Variants in CDK6 observed in about 807,000 individuals in gnomAD.
CDK6 encodes cyclin-dependent kinase 6.
Under a neutral mutation model 37.1 loss-of-function variants are expected in CDK6, and 6 were observed. The observed-to-expected ratio is 0.16, with a 90% confidence interval of 0.09 to 0.32. The LOEUF (loss-of-function observed/expected upper bound fraction) is 0.32, where lower values mean the gene tolerates loss of function less well. CDK6 is among the 10% of genes least tolerant of loss of function. The pLI, the probability that CDK6 is intolerant of heterozygous loss-of-function variation, is 1.00. For synonymous variants in CDK6, 160 were observed against 161.3 expected, an observed-to-expected ratio of 0.99 and a Z score of 0.06; for missense variants, 224 against 418.9, an observed-to-expected ratio of 0.53 and a Z score of 4.06.
intron 5 of CDK6, among the ~76,000 whole-genome samples, chr7:92,661,497 C>T (rs1421398300): frequency 1.3e-5 from 2 of 152,018 alleles, no homozygotes; most frequent in African/African-American, 2.4e-5. Flanking sequence ...CTGATTAACA[C>T]ATATTTGGTA....
intron 3 of CDK6, among the ~76,000 whole-genome samples, chr7:92,773,830 A>T (rs2115779272): frequency 6.6e-6 from 1 of 152,350 alleles, no homozygotes; most frequent in East Asian, 1.9e-4. Context: ...AAGATAAACT[A>T]TTTTTAGCTA....
chr7:92,688,921 T>C (rs753725467), intron 4 of CDK6, among the ~76,000 whole-genome samples: 1 of 152,178 alleles, frequency 6.6e-6, no homozygotes, highest in African/African-American at 2.4e-5. Flanking sequence ...CGCACAGAAT[T>C]TAAAAATGGG....
chr7:92,795,000 C>T (rs2115872957), intron 2 of CDK6, among the ~76,000 whole-genome samples: 1 of 152,236 alleles, frequency 6.6e-6, no homozygotes, highest in South Asian at 2.1e-4. Flanking sequence ...GACTGCTTCC[C>T]ATGGGACCAG....
intron 4 of CDK6, among the ~76,000 whole-genome samples, chr7:92,687,185 T>C (rs2116634075): frequency 6.6e-6 from 1 of 152,336 alleles, no homozygotes. Flanking sequence ...AGCAGATTCC[T>C]ACTCCACACT....
intron 3 of CDK6, among the ~76,000 whole-genome samples, chr7:92,754,550 CA>C (rs1799265976): frequency 6.6e-6 from 1 of 152,204 alleles, no homozygotes; most frequent in South Asian, 2.1e-4. Context: ...CTCAGTCACC[CA>C]TCCCTCTGTG....
chr7:92,655,890 C>T (rs570112177), intron 5 of CDK6, among the ~76,000 whole-genome samples: 2 of 152,366 alleles, frequency 1.3e-5, no homozygotes, highest in East Asian at 1.9e-4. Context: ...TGCACATACA[C>T]ACACGCTCCT....
At chr7:92,712,822 T>C (rs1239642213) in intron 4 of CDK6, among the ~76,000 whole-genome samples, 3 of 151,216 alleles carry the variant, frequency 2.0e-5, no homozygotes, top group African/African-American at 7.3e-5. Context: ...CTCTCTTCTT[T>C]AGACATTAAT....
chr7:92,736,857 G>C (rs1318816031), intron 3 of CDK6, among the ~76,000 whole-genome samples: 1 of 152,112 alleles, frequency 6.6e-6, no homozygotes. Context: ...GTCTAAATTA[G>C]AATATTGAAA....
At chr7:92,759,290 C>T (rs1799392987) in intron 3 of CDK6, among the ~76,000 whole-genome samples, 1 of 152,224 alleles carries the variant, frequency 6.6e-6, no homozygotes, top group Middle Eastern at 3.4e-3. Context: ...TCACCAAAGG[C>T]TAGGACTTTG....
chr7:92,811,048 C>T (rs899438634), intron 2 of CDK6, among the ~76,000 whole-genome samples: 1 of 151,868 alleles, frequency 6.6e-6, no homozygotes, highest in Non-Finnish European at 1.5e-5. Flanking sequence ...GAGAACCCCC[C>T]CAGCGCCAAA....
chr7:92,617,296 T>C lies in CDK6; in HGVS notation c.834+776A>G, dbSNP rs572568634. ...GCCCTTCTGGAGCATCGATACCTTCTATCATGAGAAAAACATGCCCCAGGG... is the reference window on the plus strand; with the variant it reads ...GCCCTTCTGGAGCATCGATACCTTCCATCATGAGAAAAACATGCCCCAGGG... On this transcript the variant is annotated intron_variant, in intron 7 of 7. Coordinates refer to ENST00000424848, the MANE Select transcript of CDK6 (RefSeq NM_001145306.2). Among the ~76,000 whole-genome samples, 23 of 152,238 alleles carry C rather than the reference T, an allele frequency of 1.5e-4. 1 individual carries two copies. Among genetic ancestry groups the C allele is most frequent in the Admixed American group, 1.4e-3 (22 of 15,282 alleles).
intron 4 of CDK6, among the ~76,000 whole-genome samples, chr7:92,676,585 T>C (rs6973871): frequency 0.24 from 36,128 of 152,076 alleles, 6,500 homozygotes; most frequent in African/African-American, 0.49. Flanking sequence ...AATGCAAACA[T>C]AGATAATGGT....
intron 4 of CDK6, among the ~76,000 whole-genome samples, chr7:92,672,134 C>CATATATATAT (rs372523914): frequency 0.014 from 913 of 65,330 alleles, 26 homozygotes; most frequent in African/African-American, 0.017. Flanking sequence ...AAAAGCTGTA[C>CATATATATAT]ATATATATAT....
At chr7:92,764,819 T>C (rs1799540181) in intron 3 of CDK6, among the ~76,000 whole-genome samples, 1 of 152,244 alleles carries the variant, frequency 6.6e-6, no homozygotes, top group Non-Finnish European at 1.5e-5. Context: ...TTTAATTTTT[T>C]CCACCTTGCT....
At chr7:92,763,355 A>C (rs1799504129) in intron 3 of CDK6, among the ~76,000 whole-genome samples, 1 of 152,252 alleles carries the variant, frequency 6.6e-6, no homozygotes, top group South Asian at 2.1e-4. Flanking sequence ...CTGACCCATT[A>C]CACTTGCAAG....
rs568026283 is a variant in CDK6, at chr7:92,754,365, G to A, written c.369+20331C>T. ...CTCCTGTCATTTTTATGCCCCCAAA[G>A]CAAAATGGTCTCTTTTCAGAGGAGA... On this transcript the variant is annotated intron_variant, in intron 3 of 7. Transcript: ENST00000424848. 1.4e-3 allele frequency among the ~76,000 whole-genome samples: 207 copies of A among 152,226 alleles called. 1 individual carries two copies. Among genetic ancestry groups the A allele is most frequent in the African/African-American group, 4.8e-3 (198 of 41,540 alleles).
chr7:92,608,872 A>T lies in CDK6; in HGVS notation c.*6268T>A, dbSNP rs1795494830. On this transcript the variant is annotated 3_prime_UTR_variant, in exon 8 of 8. Coordinates refer to ENST00000424848, the MANE Select transcript of CDK6 (RefSeq NM_001145306.2). ...TCGCCCACTGCCTCTCTCCTGCCAA[A>T]GGGGCGGGGCAACGAGGCAGCGCGC... is the stretch of plus-strand genomic sequence containing the variant. The T allele has an allele frequency of 8.2e-5, 19 of 232,076 alleles. No homozygotes were observed. In the East Asian group the frequency reaches 1.2e-3, roughly 14 times the overall value. 14.4% of individuals were successfully genotyped at this position (232,076 alleles called of 1,614,324 possible).
chr7:92,742,343 AG>A (rs1798943230), intron 3 of CDK6, among the ~76,000 whole-genome samples: 1 of 152,204 alleles, frequency 6.6e-6, no homozygotes, highest in East Asian at 1.9e-4. Flanking sequence ...ATCAGCACAC[AG>A]CACCTTTCAA....
At chr7:92,746,366 G>GA (rs1189444453) in intron 3 of CDK6, among the ~76,000 whole-genome samples, 5 of 152,110 alleles carry the variant, frequency 3.3e-5, no homozygotes, top group Admixed American at 1.3e-4. Flanking sequence ...TCCCTAATCT[G>GA]AAAATCCAAA....
Sources: allele counts gnomAD v4.1 joint callset (sites outside exome capture counted in the v4.1 genomes callset), GRCh38; gene constraint gnomAD v4.1.1; transcripts MANE v1.5; gene names NCBI Gene and HGNC (gene_info 2026-07-23, HGNC 2026-07-21).